PRDM14: variants seen among roughly 807,000 people sequenced by gnomAD.
The protein encoded by PRDM14 is PR/SET domain 14.
PRDM14 carries 16 observed loss-of-function variants against 48.0 expected under a neutral mutation model. The ratio of observed to expected loss-of-function variants is 0.33; its 90% CI spans 0.23 to 0.51. PRDM14 has a LOEUF of 0.51. PRDM14 is among the 20% of genes least tolerant of loss of function. PRDM14 has a pLI of 0.97. For missense variants in PRDM14, 566 were observed against 719.6 expected (o/e 0.79, Z 2.44); for synonymous variants, 264 against 276.6 (o/e 0.95, Z 0.45).
chr8:70,056,649 C>T (rs1330387574), intron 6 of PRDM14, among the ~76,000 whole-genome samples: 1 of 151,194 alleles, frequency 6.6e-6, no homozygotes, highest in Non-Finnish European at 1.5e-5. Context: ...CCCATCTCTA[C>T]AAAAAATACA....
In PRDM14 at chr8:70,055,356, T is replaced by C; in HGVS notation, c.1432A>G (p.Lys478Glu). 1 of 1,610,178 alleles carries C rather than the reference T, an allele frequency of 6.2e-7. No homozygotes were observed. Among genetic ancestry groups the C allele is most frequent in the Non-Finnish European group, 8.5e-7 (1 of 1,176,466 alleles). ...TCTCCAGAGTGGACTCGCATGTGTTTGTTTAGGCTGGAAGATTGAGAGAAA... is the reference window on the plus strand; with the variant it reads ...TCTCCAGAGTGGACTCGCATGTGTTCGTTTAGGCTGGAAGATTGAGAGAAA... Reference protein sequence around the residue: ...KCFSQSSSLNKHMRVHSGDRP... With the variant: ...KCFSQSSSLNEHMRVHSGDRP... The change falls in exon 7 of 8, where the codon AAA becomes GAA. Residue 478 changes from lysine to glutamate, a missense_variant. Lys to Glu is a moderately conservative substitution (Grantham distance 56). Transcript: ENST00000276594.
chr8:70,069,979 C>T, intron 1 of PRDM14, 95 bp from the exon 2 acceptor site: 1 of 700,614 alleles, frequency 1.4e-6, no homozygotes, highest in East Asian at 2.7e-5. Context: ...CCAGCCAGCC[C>T]CAGATCCAAG....
At chr8:70,064,878 T>TTC (rs1189570197) in intron 5 of PRDM14, among the ~76,000 whole-genome samples, 1 of 149,716 alleles carries the variant, frequency 6.7e-6, no homozygotes, top group African/African-American at 2.5e-5. Context: ...ATAATTTGCC[T>TTC]TCTCTCTCTC....
intron 5 of PRDM14, among the ~76,000 whole-genome samples, chr8:70,064,689 T>C (rs893998220): frequency 4.6e-5 from 7 of 151,592 alleles, no homozygotes; most frequent in African/African-American, 1.5e-4. Flanking sequence ...CACGCCCGGC[T>C]AATTTTTTTG....
intron 7 of PRDM14, 136 bp from the exon 8 acceptor site, chr8:70,052,440 C>T: frequency 1.6e-6 from 1 of 630,574 alleles, no homozygotes. Flanking sequence ...TAGAGCACTC[C>T]TGGTCATCAT....
intron 6 of PRDM14, among the ~76,000 whole-genome samples, chr8:70,056,898 A>C: frequency 6.7e-6 from 1 of 148,598 alleles, no homozygotes. Context: ...CCATCATCTC[A>C]CTATCACCAG....
intron 5 of PRDM14, among the ~76,000 whole-genome samples, chr8:70,064,823 C>T (rs917051559): frequency 1.3e-4 from 19 of 147,810 alleles, no homozygotes; most frequent in African/African-American, 4.4e-4. Flanking sequence ...CACGCCTGGG[C>T]CATTTTTTTT....
Position 70,060,653 on chromosome 8 carries a change from G to T in PRDM14, c.1184-1811C>A, listed in dbSNP as rs980075814. On this transcript the variant is annotated intron_variant, in intron 5 of 7. Transcript: ENST00000276594. ...CTCTTTCCCTTTTGTTCCTTGATAT[G>T]TACTGTTGAAGAGACCATTCCACCA... 3.9e-5 allele frequency among the ~76,000 whole-genome samples: 6 copies of T among 152,086 alleles called. No homozygotes were observed. The East Asian group carries it at 1.2e-3, about 29-fold the overall frequency.
rs563610282 is a variant in PRDM14, at chr8:70,052,567, A to G, written c.1489-263T>C. On this transcript the variant is annotated intron_variant, in intron 7 of 7. Transcript: ENST00000276594. ...TAGATTATCTGGAGGTCCAGTTTGT[A>G]AAAAAGCAGATTGCAGGCTGGGCGC... Among the ~76,000 whole-genome samples the G allele has an allele frequency of 7.9e-5, 12 of 152,138 alleles. No homozygotes were observed. In the East Asian group the frequency reaches 2.1e-3, roughly 27 times the overall value.
In PRDM14 at chr8:70,069,142, T is replaced by G. The variant is rs766724060; in HGVS notation, c.700+19A>C. On this transcript the variant is annotated intron_variant, in intron 2 of 7. Coordinates refer to ENST00000276594, the MANE Select transcript of PRDM14 (RefSeq NM_024504.4). ...ATTCCCGTCCAATTCGACTCCCAAA[T>G]GGTGTGAACTCCCTTTACCAGAGCT... is the stretch of plus-strand genomic sequence containing the variant. 2 of 1,470,820 alleles carry G rather than the reference T, an allele frequency of 1.4e-6. No individual in the cohort carries two copies. Among genetic ancestry groups the G allele is most frequent in the Admixed American group, 2.5e-5 (1 of 40,338 alleles). 91.1% of individuals were successfully genotyped at this position (1,470,820 alleles called of 1,614,324 possible).
chr8:70,052,625 G>A (rs1805406581), intron 7 of PRDM14, among the ~76,000 whole-genome samples: 1 of 152,066 alleles, frequency 6.6e-6, no homozygotes, highest in Non-Finnish European at 1.5e-5. Context: ...AGCACTTTGG[G>A]AGGCCAAGGC....
rs1805395682 is a variant in PRDM14 at position 70,052,125 on chromosome 8, T to C, written c.1668A>G (p.Ser556=). Residue 556 remains serine (S), a synonymous_variant, in exon 8 of 8, where the codon TCA becomes TCG. Coordinates refer to ENST00000276594, the MANE Select transcript of PRDM14 (RefSeq NM_024504.4). ...TGTGGGAGTAGAATGTTTCTTGATC[T>C]GAGAAGATTTTCCCACAGATGCTGC... ...CSCSICGKIF[S]DQETFYSHMK... 2 of 1,612,582 alleles carry C rather than the reference T, an allele frequency of 1.2e-6. No homozygotes were observed. Among genetic ancestry groups the C allele is most frequent in the Admixed American group, 1.7e-5 (1 of 59,970 alleles).
intron 5 of PRDM14, among the ~76,000 whole-genome samples, chr8:70,059,429 G>A (rs1040824913): frequency 2.0e-5 from 3 of 151,692 alleles, no homozygotes; most frequent in Admixed American, 1.3e-4. Context: ...ACACCACCAC[G>A]CCCAGCTAAT....
intron 6 of PRDM14, among the ~76,000 whole-genome samples, chr8:70,056,761 G>A (rs1351319796): frequency 1.4e-5 from 2 of 146,668 alleles, no homozygotes; most frequent in African/African-American, 2.5e-5. Flanking sequence ...GGAGGTTGCA[G>A]TGAGCTGAGA....
intron 1 of PRDM14, 40 bp from the exon 2 acceptor site, chr8:70,069,924 G>T: frequency 7.7e-7 from 1 of 1,305,802 alleles, no homozygotes; most frequent in Non-Finnish European, 1.0e-6. Context: ...CCGCGCGGGA[G>T]CTTCCCGGGG....
chr8:70,056,551 G>C (rs1805475088), intron 6 of PRDM14, among the ~76,000 whole-genome samples: 1 of 151,808 alleles, frequency 6.6e-6, no homozygotes, highest in Non-Finnish European at 1.5e-5. Flanking sequence ...GCATGATCTC[G>C]GCCCACCGCA....
rs571202607 is a variant in PRDM14, at chr8:70,056,558, C to T, written c.1387-1157G>A. On this transcript the variant is annotated intron_variant, in intron 6 of 7. Transcript: ENST00000276594. The stretch of plus-strand genomic sequence containing the variant: ...GTGCAGTAGCATGATCTCGGCCCAC[C>T]GCAACCTCTGCCTCCTGGGTTTAAG... Among the ~76,000 whole-genome samples the T allele has an allele frequency of 5.3e-5, 8 of 151,878 alleles. No individual in the cohort carries two copies. In the South Asian group the frequency reaches 8.3e-4, roughly 16 times the overall value.
At chr8:70,054,707 TG>T (rs1479561779) in intron 7 of PRDM14, among the ~76,000 whole-genome samples, 1 of 151,200 alleles carries the variant, frequency 6.6e-6, no homozygotes, top group Non-Finnish European at 1.5e-5. Flanking sequence ...TTAGTAGAGA[TG>T]GGGTTTCACC....
chr8:70,068,426 G>T, intron 3 of PRDM14, 39 bp from the exon 4 acceptor site: 1 of 1,614,126 alleles, frequency 6.2e-7, no homozygotes, highest in Non-Finnish European at 8.5e-7. Flanking sequence ...AATGAGGAGA[G>T]TTGACTCTGC....
Sources: gnomAD v4.1 joint callset for allele counts (sites outside exome capture counted in the v4.1 genomes callset) on GRCh38, gnomAD v4.1.1 for gene constraint, MANE v1.5 for transcripts, NCBI Gene and HGNC (gene_info 2026-07-23, HGNC 2026-07-21) for gene names.